SMARCB1: variants seen among roughly 807,000 people sequenced by gnomAD.
The protein encoded by SMARCB1 is SWI/SNF-related matrix-associated actin-dependent regulator of chromatin subfamily B member 1.
In SMARCB1, 5 loss-of-function variants were observed where a neutral mutation model predicts 49.0. The ratio of observed to expected loss-of-function variants is 0.10; its 90% confidence interval spans 0.05 to 0.21. The LOEUF (loss-of-function observed/expected upper bound fraction) is 0.21. SMARCB1 is among the 10% of genes least tolerant of loss of function. The pLI is 1.00. For synonymous variants in SMARCB1, 201 were observed against 200.1 expected, an observed-to-expected ratio of 1.00 and a Z score of -0.04; for missense variants, 226 against 509.2, an observed-to-expected ratio of 0.44 and a Z score of 5.35.
chr22:23,803,801 T>C (rs1929324805), intron 5 of SMARCB1: 4 of 354,564 alleles, frequency 1.1e-5, no homozygotes, highest in Non-Finnish European at 2.2e-5. Flanking sequence ...AGGCTGCATG[T>C]GTGCCCCGTG....
At chr22:23,801,902 C>T (rs767357489) in intron 4 of SMARCB1, 26 of 167,548 alleles carry the variant, frequency 1.6e-4, no homozygotes, top group Non-Finnish European at 2.5e-4. Flanking sequence ...CCCTCAGCCT[C>T]ATGCTGCCTG....
At chr22:23,793,761 G>A in intron 3 of SMARCB1, 73 bp downstream of exon 3, 3 of 1,354,556 alleles carry the variant, frequency 2.2e-6, no homozygotes, top group Non-Finnish European at 3.2e-6. Flanking sequence ...AACTGGTTGG[G>A]TTGAAGTTAA....
chr22:23,835,288 T>TGGCTC lies in SMARCB1; in HGVS notation c.*1110_*1114dup, dbSNP rs1379207845. 21 of 1,059,046 alleles carry TGGCTC rather than the reference T, an allele frequency of 2.0e-5. No homozygotes were observed. The South Asian group carries it at 6.1e-4, about 31-fold the overall frequency. 65.6% of individuals were successfully genotyped at this position (1,059,046 alleles called of 1,614,324 possible). On this transcript the variant is annotated 3_prime_UTR_variant, in exon 9 of 9. Coordinates refer to ENST00000644036, the MANE Select transcript of SMARCB1 (RefSeq NM_003073.5). ...CACAGGATCTGGGAGGGCAGCAAAC[T>TGGCTC]GGCTCGCAGCTCCAGCCTTACTGAA... is the stretch of plus-strand genomic sequence containing the variant.
At chr22:23,833,324 G>A (rs1002414355) in intron 7 of SMARCB1, among the ~76,000 whole-genome samples, 12 of 152,172 alleles carry the variant, frequency 7.9e-5, no homozygotes, top group Admixed American at 5.9e-4. Context: ...ACAGAGAGAC[G>A]CTGGGCACAA....
At chr22:23,818,015 AG>A (rs1426658088) in intron 6 of SMARCB1, 1 of 152,234 alleles carries the variant, frequency 6.6e-6, no homozygotes, top group Non-Finnish European at 1.5e-5. Flanking sequence ...TAGTAGAGAC[AG>A]GGTTTCACCA....
intron 3 of SMARCB1, among the ~76,000 whole-genome samples, chr22:23,795,592 G>C (rs1016004269): frequency 1.3e-5 from 2 of 151,832 alleles, no homozygotes; most frequent in Non-Finnish European, 2.9e-5. Flanking sequence ...GGAGGCGGAG[G>C]TTGCGGTGAG....
intron 7 of SMARCB1, among the ~76,000 whole-genome samples, chr22:23,830,902 G>A (rs1347750525): frequency 3.3e-5 from 5 of 151,846 alleles, no homozygotes; most frequent in African/African-American, 9.7e-5. Context: ...CTCATAATCC[G>A]CCCGCCTCGG....
At chr22:23,803,471 T>G in intron 5 of SMARCB1, 49 bp downstream of exon 5, 1 of 1,609,092 alleles carries the variant, frequency 6.2e-7, no homozygotes, top group Non-Finnish European at 8.5e-7. Context: ...CCCTGTGTGT[T>G]ACGTGGGAAC....
chr22:23,809,913 G>A (rs914866442), intron 5 of SMARCB1, among the ~76,000 whole-genome samples: 2 of 151,118 alleles, frequency 1.3e-5, no homozygotes, highest in African/African-American at 2.4e-5. Flanking sequence ...GCTCATGCCT[G>A]TAATCCCTGC....
chr22:23,837,577 G>C lies in SMARCB1; in HGVS notation c.*3397G>C, dbSNP rs1555882487. 4 of 1,420,764 alleles carry C rather than the reference G, an allele frequency of 2.8e-6. No homozygotes were observed. Among genetic ancestry groups the C allele is most frequent in the Non-Finnish European group, 3.8e-6 (4 of 1,040,292 alleles). The allele number at this position is 1,420,764 out of a possible 1,614,324, so 88.0% of individuals were successfully genotyped here. ...TGTGAGGAGAACTCCAGCAAGGATGGGAGAGGGGCCCCAGGGCATAAGCAG... is the reference window on the plus strand; with the variant it reads ...TGTGAGGAGAACTCCAGCAAGGATGCGAGAGGGGCCCCAGGGCATAAGCAG... On this transcript the variant is annotated 3_prime_UTR_variant, in exon 9 of 9. Coordinates refer to ENST00000644036, the MANE Select transcript of SMARCB1 (RefSeq NM_003073.5).
intron 7 of SMARCB1, among the ~76,000 whole-genome samples, chr22:23,829,665 A>C (rs891441324): frequency 6.6e-6 from 1 of 152,184 alleles, no homozygotes; most frequent in African/African-American, 2.4e-5. Flanking sequence ...TTGTTTTTTT[A>C]ACAGCTTTAT....
intron 6 of SMARCB1, among the ~76,000 whole-genome samples, chr22:23,818,853 T>C (rs1434426580): frequency 6.6e-6 from 1 of 152,186 alleles, no homozygotes; most frequent in African/African-American, 2.4e-5. Flanking sequence ...AAAATGTATT[T>C]ATTTTTAGAC....
intron 6 of SMARCB1, chr22:23,817,656 GGAGGGATGCCTCCTGTGACT>G (rs879471757): frequency 1.0e-4 from 16 of 152,450 alleles, no homozygotes; most frequent in Non-Finnish European, 1.9e-4. Context: ...AGGAGCCTCG[GGAGGGATGCCTCCTGTGACT>G]GAGGGATGCC....
At position 23,837,467 on chromosome 22, in the gene SMARCB1, CG is replaced by C; in HGVS notation, c.*3288del. ...GCAAGCATCAGTAGATCCGTCCTGA[CG>C]ATGCAAATTATGTGGGCCGGCTGGC... On this transcript the variant is annotated 3_prime_UTR_variant, in exon 9 of 9. Transcript: ENST00000644036. 5.9e-6 allele frequency: 4 copies of C among 677,950 alleles called. No individual in the cohort carries two copies. Among genetic ancestry groups the C allele is most frequent in the Non-Finnish European group, 7.4e-6 (3 of 405,124 alleles). 42.0% of individuals were successfully genotyped at this position (677,950 alleles called of 1,614,324 possible).
At chr22:23,790,588 A>G (rs777849429) in intron 1 of SMARCB1, among the ~76,000 whole-genome samples, 7 of 152,006 alleles carry the variant, frequency 4.6e-5, no homozygotes, top group Non-Finnish European at 8.8e-5. Context: ...CACACCCGTA[A>G]TCCCAGCACT....
intron 7 of SMARCB1, among the ~76,000 whole-genome samples, chr22:23,828,865 C>G (rs9612478): frequency 0.1 from 15,961 of 152,212 alleles, 869 homozygotes; most frequent in South Asian, 0.17. Flanking sequence ...GCCCACACCT[C>G]AGGGGAACCA....
At chr22:23,797,698 A>G (rs1928866186) in intron 3 of SMARCB1, among the ~76,000 whole-genome samples, 1 of 128,722 alleles carries the variant, frequency 7.8e-6, no homozygotes, top group Admixed American at 9.6e-5. Context: ...GCTCACTGCA[A>G]CCTCCCCTTC....
chr22:23,812,896 G>A (rs1170921340), intron 5 of SMARCB1, among the ~76,000 whole-genome samples: 3 of 134,644 alleles, frequency 2.2e-5, no homozygotes, highest in African/African-American at 8.3e-5. Flanking sequence ...ACGGAGTATT[G>A]CTCTGTTGTC....
chr22:23,819,786 G>C (rs1046182995), intron 6 of SMARCB1, among the ~76,000 whole-genome samples: 2 of 150,986 alleles, frequency 1.3e-5, no homozygotes, highest in Non-Finnish European at 3.0e-5. Flanking sequence ...AGGCGCAGGG[G>C]TTCCAGTTTC....
Sources: gnomAD v4.1 joint callset for allele counts (sites outside exome capture counted in the v4.1 genomes callset) on GRCh38, gnomAD v4.1.1 for gene constraint, MANE v1.5 for transcripts, NCBI Gene and HGNC (gene_info 2026-07-23, HGNC 2026-07-21) for gene names.